The following AOPEP variants were observed in gnomAD, a reference collection of about 807,000 sequenced individuals.
AOPEP encodes the protein aminopeptidase O.
A neutral mutation model predicts 98.1 loss-of-function variants in AOPEP; 77 were observed. The observed-to-expected ratio is 0.78, with a 90% CI of 0.65 to 0.95. The LOEUF is 0.95. Ranked by LOEUF, AOPEP falls within the 40% of genes least tolerant of loss-of-function variation. The probability of loss-of-function intolerance (pLI) is 0.00; values close to 1 mark genes in which losing one functional copy is unlikely to be tolerated. For synonymous variants in AOPEP, 346 were observed against 365.3 expected (o/e 0.95, Z 0.60); for missense variants, 1,024 against 1,024.7 (o/e 1.00, Z 0.01).
intron 10 of AOPEP, among the ~76,000 whole-genome samples, chr9:94,970,000 TGGA>T (rs1439281866): frequency 6.6e-6 from 1 of 152,044 alleles, no homozygotes; most frequent in East Asian, 1.9e-4. Context: ...CCAGACTAGG[TGGA>T]GGAGATGACA....
At chr9:95,001,843 T>A (rs1020162489) in intron 11 of AOPEP, among the ~76,000 whole-genome samples, 4 of 152,130 alleles carry the variant, frequency 2.6e-5, no homozygotes, top group South Asian at 2.1e-4. Flanking sequence ...AGTGGTGCCA[T>A]CATGGCTCAC....
At chr9:95,013,297 T>C (rs2062710932) in intron 13 of AOPEP, among the ~76,000 whole-genome samples, 1 of 152,164 alleles carries the variant, frequency 6.6e-6, no homozygotes, top group Admixed American at 6.5e-5. Context: ...TGTAATACTT[T>C]TTTTTTCTGC....
At chr9:95,029,708 G>T (rs1369438407) in intron 13 of AOPEP, among the ~76,000 whole-genome samples, 3 of 152,170 alleles carry the variant, frequency 2.0e-5, no homozygotes, top group Non-Finnish European at 4.4e-5. Flanking sequence ...CTTATCAGGG[G>T]CATGGTGAGA....
chr9:95,069,531 C>T (rs2068262944), intron 14 of AOPEP, among the ~76,000 whole-genome samples: 2 of 152,356 alleles, frequency 1.3e-5, no homozygotes, highest in South Asian at 4.1e-4. Context: ...CCCACATGGG[C>T]TCCCACGTTG....
At chr9:94,865,295 A>G (rs1276579802) in intron 5 of AOPEP, among the ~76,000 whole-genome samples, 3 of 152,216 alleles carry the variant, frequency 2.0e-5, no homozygotes, top group Non-Finnish European at 4.4e-5. Flanking sequence ...TCCTAGTAAC[A>G]GGTTTTGTGT....
intron 11 of AOPEP, among the ~76,000 whole-genome samples, chr9:94,993,216 C>T (rs2061003408): frequency 6.6e-6 from 1 of 152,106 alleles, no homozygotes; most frequent in African/African-American, 2.4e-5. Flanking sequence ...GTCAGTTTTA[C>T]CTTAGACAGG....
At chr9:94,786,124 A>G (rs548007054) in intron 3 of AOPEP, among the ~76,000 whole-genome samples, 68 of 152,320 alleles carry the variant, frequency 4.5e-4, no homozygotes, top group Non-Finnish European at 7.6e-4. Context: ...GAGCTTGCAG[A>G]TGAAGACTAC....
intron 1 of AOPEP, among the ~76,000 whole-genome samples, chr9:94,741,382 T>C (rs998468843): frequency 8.6e-5 from 13 of 152,004 alleles, no homozygotes; most frequent in Non-Finnish European, 1.3e-4. Flanking sequence ...ACGCCATTCT[T>C]CTGCTTCAGC....
the AOPEP span, among the ~76,000 whole-genome samples, chr9:95,141,989 T>TTTG: frequency 7.3e-6 from 1 of 136,426 alleles, no homozygotes; most frequent in African/African-American, 2.8e-5. Flanking sequence ...TGTGGGGTTT[T>TTTG]TTTTTTTTTT....
chr9:95,060,710 T>TG lies in AOPEP; in HGVS notation c.2134dup (p.Val712GlyfsTer40). On this transcript the variant is annotated frameshift_variant, in exon 14 of 17. Coordinates refer to ENST00000375315, the MANE Select transcript of AOPEP (RefSeq NM_001193329.3). LOFTEE classifies it high-confidence loss of function. ...TGTCTTTAGCTTCTTCCAGACCAGC[T>TG]GGTCTTGCTTCTGGAGCATCTCTTG... 2 of 1,613,776 alleles carry TG rather than the reference T, an allele frequency of 1.2e-6. No individual in the cohort carries two copies. Among genetic ancestry groups the TG allele is most frequent in the South Asian group, 2.2e-5 (2 of 91,078 alleles).
chr9:94,889,782 T>G (rs1360904197), intron 5 of AOPEP, among the ~76,000 whole-genome samples: 1 of 152,246 alleles, frequency 6.6e-6, no homozygotes, highest in East Asian at 1.9e-4. Context: ...ATGTGCCGTT[T>G]TACATTTCTT....
intron 16 of AOPEP, among the ~76,000 whole-genome samples, chr9:95,083,813 T>G (rs535911523): frequency 0.012 from 1,809 of 152,352 alleles, 33 homozygotes; most frequent in African/African-American, 0.041. Context: ...CAGGTCCTAC[T>G]TTTTGCTTTG....
At chr9:94,883,390 G>C (rs905817520) in intron 5 of AOPEP, among the ~76,000 whole-genome samples, 2 of 152,190 alleles carry the variant, frequency 1.3e-5, no homozygotes, top group African/African-American at 4.8e-5. Flanking sequence ...ACCAAAAAAA[G>C]AAAAAGGAAA....
At chr9:95,094,232 CCTGCAGT>C in the AOPEP span, among the ~76,000 whole-genome samples, 1 of 152,092 alleles carries the variant, frequency 6.6e-6, no homozygotes, top group Non-Finnish European at 1.5e-5. Flanking sequence ...AGTGTGGATC[CCTGCAGT>C]CTGCAGTGGA....
chr9:95,073,103 T>G (rs1437921638), intron 14 of AOPEP, among the ~76,000 whole-genome samples: 2 of 152,196 alleles, frequency 1.3e-5, no homozygotes, highest in Non-Finnish European at 2.9e-5. Flanking sequence ...AAGCTGTAGC[T>G]CTTCCCAGGC....
chr9:94,860,158 G>C (rs2044749912), intron 5 of AOPEP, among the ~76,000 whole-genome samples: 2 of 152,332 alleles, frequency 1.3e-5, no homozygotes, highest in African/African-American at 4.8e-5. Context: ...AGTGGAACGT[G>C]AGCCAGGCCA....
chr9:94,969,668 A>C (rs1008977623), intron 10 of AOPEP, among the ~76,000 whole-genome samples: 8 of 152,154 alleles, frequency 5.3e-5, no homozygotes, highest in Non-Finnish European at 8.8e-5. Context: ...CGGCCTCCCA[A>C]AGTGCTGGGA....
chr9:95,088,103 G>A (rs542132516), downstream of AOPEP, among the ~76,000 whole-genome samples: 16 of 152,302 alleles, frequency 1.1e-4, no homozygotes, highest in Admixed American at 5.2e-4. Flanking sequence ...CATCGTGGAG[G>A]ATGGCTCAGA....
At chr9:95,093,834 T>G in the AOPEP span, among the ~76,000 whole-genome samples, 3 of 152,196 alleles carry the variant, frequency 2.0e-5, no homozygotes, top group Admixed American at 6.5e-5. Flanking sequence ...CCCCACCTTC[T>G]GGGGGCTTCG....
Sources: allele counts gnomAD v4.1 joint callset (sites outside exome capture counted in the v4.1 genomes callset), GRCh38; gene constraint gnomAD v4.1.1; transcripts MANE v1.5; gene names NCBI Gene and HGNC (gene_info 2026-07-23, HGNC 2026-07-21).